SLC17A1: variants seen among roughly 807,000 people sequenced by gnomAD.
SLC17A1 encodes sodium-dependent phosphate transport protein 1.
Under a neutral mutation model 53.5 loss-of-function variants are expected in SLC17A1, and 51 were observed. That is an observed-to-expected ratio of 0.95 (90% CI 0.76 to 1.20). The LOEUF (loss-of-function observed/expected upper bound fraction) is 1.20. Ranked by LOEUF, SLC17A1 falls within the 50% of genes most tolerant of loss-of-function variation. The probability of loss-of-function intolerance (pLI) is 0.00; values close to 1 mark genes in which losing one functional copy is unlikely to be tolerated. For missense variants in SLC17A1, 538 were observed against 568.2 expected, an observed-to-expected ratio of 0.95 and a Z score of 0.54; for synonymous variants, 179 against 198.8, an observed-to-expected ratio of 0.90 and a Z score of 0.84.
chr6:25,726,328 G>A, the SLC17A1 span: 2 of 1,614,028 alleles, frequency 1.2e-6, no homozygotes, highest in Non-Finnish European at 1.7e-6. Context: ...CGCATTGCCT[G>A]CCAGCTCAAG....
the SLC17A1 span, chr6:25,777,107 C>T: frequency 3.4e-6 from 3 of 887,814 alleles, no homozygotes; most frequent in African/African-American, 1.7e-5. Context: ...CTAAATAATT[C>T]CTGGAAGAGA....
In SLC17A1 at chr6:25,794,603, C is replaced by G. The variant is rs563209786; in HGVS notation, c.*2+4180G>C. On this transcript the variant is annotated intron_variant, in intron 12 of 12. Coordinates refer to ENST00000244527, the MANE Select transcript of SLC17A1 (RefSeq NM_005074.5). ...TACCTCATACCCAAATCAACAAGGA[C>G]TATTTACTATAATAAGTTCAAAACA... 2.0e-5 allele frequency among the ~76,000 whole-genome samples: 3 copies of G among 152,258 alleles called. No homozygotes were observed. In the East Asian group the frequency reaches 5.8e-4, roughly 29 times the overall value.
At chr6:25,824,226 G>C (rs555135670) in intron 3 of SLC17A1, among the ~76,000 whole-genome samples, 1 of 151,908 alleles carries the variant, frequency 6.6e-6, no homozygotes, top group African/African-American at 2.4e-5. Context: ...AAAATGTTAA[G>C]AGAAGTTCTT....
At chr6:25,778,131 C>A, downstream of SLC17A1, 1 of 642,386 alleles carries the variant, frequency 1.6e-6, no homozygotes, top group Non-Finnish European at 2.6e-6. Flanking sequence ...CAAAAATAAA[C>A]TAATTTACAT....
chr6:25,727,536 C>G, the SLC17A1 span, among the ~76,000 whole-genome samples: 1 of 151,596 alleles, frequency 6.6e-6, no homozygotes, highest in African/African-American at 2.4e-5. Context: ...GGACTACAGG[C>G]TCCCACCACT....
chr6:25,742,512 CA>C, the SLC17A1 span, among the ~76,000 whole-genome samples: 33,762 of 127,052 alleles, frequency 0.27, 5,121 homozygotes, highest in East Asian at 0.65. Context: ...AAAAACAATA[CA>C]AAAAAAAAAA....
At chr6:25,732,039 A>G in the SLC17A1 span, 3 of 1,400,584 alleles carry the variant, frequency 2.1e-6, no homozygotes, top group South Asian at 1.3e-5. Context: ...CAGCTTGTAG[A>G]TGTAAATAGA....
chr6:25,831,528 A>G (rs1764948951), intron 1 of SLC17A1, among the ~76,000 whole-genome samples: 1 of 152,168 alleles, frequency 6.6e-6, no homozygotes, highest in African/African-American at 2.4e-5. Context: ...CAACATAAAC[A>G]CATGGTACAA....
chr6:25,795,318 A>G (rs1763581232), intron 12 of SLC17A1, among the ~76,000 whole-genome samples: 1 of 152,222 alleles, frequency 6.6e-6, no homozygotes, highest in Non-Finnish European at 1.5e-5. Context: ...AATTAGAAAC[A>G]TTGAATGTGA....
the SLC17A1 span, chr6:25,726,441 G>T: frequency 3.1e-6 from 5 of 1,613,948 alleles, no homozygotes; most frequent in Non-Finnish European, 3.4e-6. Context: ...GATGGATCCG[G>T]CCTACGGGAA....
At chr6:25,799,914 A>C (rs541610482) in intron 11 of SLC17A1, among the ~76,000 whole-genome samples, 1 of 152,176 alleles carries the variant, frequency 6.6e-6, no homozygotes, top group Non-Finnish European at 1.5e-5. Context: ...CTGTGGTTCT[A>C]GTGATGTTTT....
rs186405009 is a variant in SLC17A1 at position 25,823,049 on chromosome 6, G to A, written c.208-3134C>T. 2.8e-4 allele frequency among the ~76,000 whole-genome samples: 43 copies of A among 151,896 alleles called. No individual in the cohort carries two copies. The East Asian group carries it at 5.2e-3, about 18-fold the overall frequency. ...AAGTTTTATATTAAGGGAATGCTAC[G>A]GTATGTACTCTTTTTTATTGTCTAG... On this transcript the variant is annotated intron_variant, in intron 3 of 12. Transcript: ENST00000244527.
At chr6:25,794,563 C>G (rs1365518314) in intron 12 of SLC17A1, among the ~76,000 whole-genome samples, 1 of 152,128 alleles carries the variant, frequency 6.6e-6, no homozygotes, top group Non-Finnish European at 1.5e-5. Flanking sequence ...TAGAACATTA[C>G]AAAACCTAGA....
At chr6:25,789,526 T>G (rs1050383075) in intron 12 of SLC17A1, among the ~76,000 whole-genome samples, 1 of 152,310 alleles carries the variant, frequency 6.6e-6, no homozygotes, top group Admixed American at 6.5e-5. Flanking sequence ...AGGCAAAACC[T>G]GATAGGCCCC....
chr6:25,818,920 T>C lies in SLC17A1; in HGVS notation c.616+148A>G, dbSNP rs374125820. ...TAATACCTTGCTTGTGATAGGAACT[T>C]AATGAGTATTGACTTCTCTCTTTCA... On this transcript the variant is annotated intron_variant, in intron 6 of 12. Transcript: ENST00000244527. The C allele has an allele frequency of 4.1e-5, 23 of 563,468 alleles. 2 individuals are homozygous for C. The highest frequency in any genetic ancestry group is 1.3e-4 in the African/African-American group (7 of 53,054). 34.9% of individuals were successfully genotyped at this position (563,468 alleles called of 1,614,324 possible). A position where few individuals can be genotyped will look rare whatever the true frequency, so the allele number is the denominator to read the frequency against.
chr6:25,733,859 G>A, the SLC17A1 span, among the ~76,000 whole-genome samples: 3 of 149,564 alleles, frequency 2.0e-5, no homozygotes, highest in African/African-American at 5.0e-5. Flanking sequence ...TTGCTCTGTC[G>A]CCCAGGCTGG....
At chr6:25,725,538 C>T in the SLC17A1 span, among the ~76,000 whole-genome samples, 1 of 152,158 alleles carries the variant, frequency 6.6e-6, no homozygotes, top group African/African-American at 2.4e-5. Flanking sequence ...AGGAAGATTA[C>T]ACCTCTCCTG....
chr6:25,770,339 TC>T, the SLC17A1 span: 1 of 1,613,820 alleles, frequency 6.2e-7, no homozygotes, highest in Non-Finnish European at 8.5e-7. Context: ...GAATATAGGT[TC>T]CAGAATGACC....
chr6:25,823,376 T>A (rs1764632853), intron 3 of SLC17A1, among the ~76,000 whole-genome samples: 1 of 152,162 alleles, frequency 6.6e-6, no homozygotes, highest in Non-Finnish European at 1.5e-5. Flanking sequence ...TATGCTTAAT[T>A]TTTTATGAAA....
Sources: gnomAD v4.1 joint callset for allele counts (sites outside exome capture counted in the v4.1 genomes callset) on GRCh38, gnomAD v4.1.1 for gene constraint, MANE v1.5 for transcripts, NCBI Gene and HGNC (gene_info 2026-07-23, HGNC 2026-07-21) for gene names.